The following SLC24A2 variants were observed in gnomAD, a reference collection of about 807,000 sequenced individuals.
SLC24A2 encodes solute carrier family 24 member 2.
SLC24A2 carries 36 observed loss-of-function variants against 62.0 expected under a neutral mutation model. The ratio of observed to expected loss-of-function variants is 0.58; its 90% CI spans 0.44 to 0.77. The LOEUF (loss-of-function observed/expected upper bound fraction) is 0.77. Ranked by LOEUF, SLC24A2 falls within the 30% of genes least tolerant of loss-of-function variation. SLC24A2 has a pLI of 0.00. For missense variants in SLC24A2, 846 were observed against 817.9 expected (o/e 1.03, Z -0.42); for synonymous variants, 358 against 294.0 (o/e 1.22, Z -2.23).
the SLC24A2 span, among the ~76,000 whole-genome samples, chr9:19,984,136 G>A: frequency 2.6e-5 from 4 of 152,178 alleles, no homozygotes; most frequent in Non-Finnish European, 4.4e-5. Flanking sequence ...AAGTTGCAGA[G>A]CATCTGTATT....
the SLC24A2 span, among the ~76,000 whole-genome samples, chr9:20,236,883 C>G: frequency 6.6e-6 from 1 of 151,930 alleles, no homozygotes; most frequent in East Asian, 1.9e-4. Context: ...CTGTCATTTC[C>G]TAACTATTGC....
chr9:20,206,543 G>T, the SLC24A2 span, among the ~76,000 whole-genome samples: 1 of 152,108 alleles, frequency 6.6e-6, no homozygotes, highest in East Asian at 1.9e-4. Flanking sequence ...AGGCTGGAGT[G>T]CAGTGGCACA....
At chr9:20,234,735 C>T in the SLC24A2 span, among the ~76,000 whole-genome samples, 6 of 152,238 alleles carry the variant, frequency 3.9e-5, no homozygotes, top group African/African-American at 1.4e-4. Context: ...TCGTCAAAGT[C>T]ATTCTCCATC....
At chr9:19,549,531 C>G (rs73645419) in intron 8 of SLC24A2, among the ~76,000 whole-genome samples, 4,356 of 152,264 alleles carry the variant, frequency 0.029, 201 homozygotes, top group African/African-American at 0.098. Flanking sequence ...TGACTGACCT[C>G]TTATGTAAAA....
the SLC24A2 span, among the ~76,000 whole-genome samples, chr9:20,024,783 C>A: frequency 2.0e-5 from 3 of 152,070 alleles, no homozygotes; most frequent in Admixed American, 2.0e-4. Context: ...CCTTTCAAGG[C>A]CATAGAAGAG....
At chr9:20,277,557 G>A in the SLC24A2 span, among the ~76,000 whole-genome samples, 1 of 152,176 alleles carries the variant, frequency 6.6e-6, no homozygotes, top group African/African-American at 2.4e-5. Flanking sequence ...ACACCAGTTA[G>A]AATGGCAATC....
In SLC24A2 at chr9:19,647,064, G is replaced by A. The variant is rs199770372; in HGVS notation, c.931-24765C>T. Reference sequence around the variant, plus strand: ...TCTCTCTTTCCACACACACACACACGCGCGCACACACACACACACACACAC... The same window carrying A: ...TCTCTCTTTCCACACACACACACACACGCGCACACACACACACACACACAC... On this transcript the variant is annotated intron_variant, in intron 2 of 10. Transcript: ENST00000341998. 2.8e-3 allele frequency among the ~76,000 whole-genome samples: 70 copies of A among 25,202 alleles called. No individual in the cohort carries two copies. The East Asian group carries it at 0.041, about 15-fold the overall frequency. The allele number at this position is 25,202 out of a possible 152,430, so 16.5% of individuals were successfully genotyped here.
rs377112753 is a variant in SLC24A2, at chr9:19,563,903, G to T, written c.1347+9448C>A. ...GGGGTCTCCTTTGTAGCCTAGGCTGGAGTGCACTAGGGTGATCATGGCTCA... is the reference window on the plus strand; with the variant it reads ...GGGGTCTCCTTTGTAGCCTAGGCTGTAGTGCACTAGGGTGATCATGGCTCA... On this transcript the variant is annotated intron_variant, in intron 7 of 10. Transcript: ENST00000341998. Among the ~76,000 whole-genome samples the T allele has an allele frequency of 2.1e-3, 307 of 144,684 alleles. 9 individuals carry two copies. The highest frequency in any genetic ancestry group is 7.5e-3 in the African/African-American group (294 of 39,448). The allele number at this position is 144,684 out of a possible 152,430, so 94.9% of individuals were successfully genotyped here.
At chr9:19,606,856 G>C (rs1011726390) in intron 4 of SLC24A2, among the ~76,000 whole-genome samples, 1 of 152,316 alleles carries the variant, frequency 6.6e-6, no homozygotes, top group East Asian at 1.9e-4. Flanking sequence ...AAGATTTGGT[G>C]GATCTGATAA....
rs190372936 is a variant in SLC24A2, at chr9:19,534,189, T to C, written c.1480-6051A>G. Among the ~76,000 whole-genome samples the C allele has an allele frequency of 3.8e-4, 58 of 152,296 alleles. 1 individual carries two copies. The highest frequency in any genetic ancestry group is 3.5e-3 in the Admixed American group (54 of 15,298). On this transcript the variant is annotated intron_variant, in intron 8 of 10. Transcript: ENST00000341998. ...TGGGGGGAAAACCCATCACAGTCAA[T>C]GTGGTACAATGAAAATGATCTGGAG... is the stretch of plus-strand genomic sequence containing the variant.
chr9:19,608,759 ATC>A (rs376784162), intron 4 of SLC24A2, among the ~76,000 whole-genome samples: 60 of 146,336 alleles, frequency 4.1e-4, no homozygotes, highest in Non-Finnish European at 5.6e-4. Flanking sequence ...CTGCACTGAA[ATC>A]TCTCTCTCTC....
At chr9:20,177,824 A>G in the SLC24A2 span, among the ~76,000 whole-genome samples, 1 of 152,148 alleles carries the variant, frequency 6.6e-6, no homozygotes, top group Non-Finnish European at 1.5e-5. Context: ...AATTTTCACA[A>G]TGACTTTGAA....
chr9:20,272,280 C>T, the SLC24A2 span, among the ~76,000 whole-genome samples: 7 of 152,336 alleles, frequency 4.6e-5, no homozygotes, highest in African/African-American at 1.2e-4. Flanking sequence ...CATCAAGATG[C>T]TCTAACAGAT....
the SLC24A2 span, among the ~76,000 whole-genome samples, chr9:20,019,102 AT>A: frequency 1.0e-4 from 4 of 39,146 alleles, no homozygotes; most frequent in Non-Finnish European, 1.3e-4. Context: ...AGAAAGAAAG[AT>A]AGAAAGAAAG....
the SLC24A2 span, among the ~76,000 whole-genome samples, chr9:20,122,498 C>G: frequency 6.6e-6 from 1 of 152,232 alleles, no homozygotes; most frequent in South Asian, 2.1e-4. Context: ...ACCAGCCTGG[C>G]CAACACGGTG....
intron 7 of SLC24A2, among the ~76,000 whole-genome samples, chr9:19,566,704 C>A (rs1835665996): frequency 6.6e-6 from 1 of 152,148 alleles, no homozygotes; most frequent in South Asian, 2.1e-4. Flanking sequence ...AGACTTGAAA[C>A]CAACCCAAAT....
chr9:19,563,824 TCCTCCCTCCCTC>T lies in SLC24A2; in HGVS notation c.1347+9515_1347+9526del, dbSNP rs1195536577. Among the ~76,000 whole-genome samples, 97 of 76,298 alleles carry T rather than the reference TCCTCCCTCCCTC, an allele frequency of 1.3e-3. 1 individual carries two copies. Among genetic ancestry groups the T allele is most frequent in the African/African-American group, 1.3e-3 (20 of 15,584 alleles). 50.1% of individuals were successfully genotyped at this position (76,298 alleles called of 152,430 possible). A position where few individuals can be genotyped will look rare whatever the true frequency, so the allele number is the denominator to read the frequency against. ...TTCCTTCCTTCCTTCCTTCCTTCCT[TCCTCCCTCCCTC>T]CCTCCCTCCCTCCCTCCCTCCCTCC... On this transcript the variant is annotated intron_variant, in intron 7 of 10. Coordinates refer to ENST00000341998, the MANE Select transcript of SLC24A2 (RefSeq NM_020344.4).
chr9:19,821,040 T>C, the SLC24A2 span, among the ~76,000 whole-genome samples: 1 of 152,244 alleles, frequency 6.6e-6, no homozygotes, highest in South Asian at 2.1e-4. Context: ...TGGCTTGCTT[T>C]TGAAATAAAA....
chr9:19,748,065 G>T (rs1216718800), intron 2 of SLC24A2, among the ~76,000 whole-genome samples: 1 of 152,120 alleles, frequency 6.6e-6, no homozygotes, highest in East Asian at 1.9e-4. Context: ...CCTATTTGCT[G>T]GTTCTGCAAA....
Sources: allele counts gnomAD v4.1 joint callset (sites outside exome capture counted in the v4.1 genomes callset), GRCh38; gene constraint gnomAD v4.1.1; transcripts MANE v1.5; gene names NCBI Gene and HGNC (gene_info 2026-07-23, HGNC 2026-07-21).